The following SPATA13 variants were observed in gnomAD, a reference collection of about 807,000 sequenced individuals.
SPATA13 encodes spermatogenesis-associated protein 13.
In SPATA13, 50 loss-of-function variants were observed where a neutral mutation model predicts 104.0. That is an observed-to-expected ratio of 0.48 (90% CI 0.38 to 0.61). The LOEUF is 0.61. SPATA13 is among the 20% of genes least tolerant of loss of function. The pLI, the probability that SPATA13 is intolerant of heterozygous loss-of-function variation, is 0.00. For synonymous variants in SPATA13, 606 were observed against 667.5 expected (o/e 0.91, Z 1.42); for missense variants, 1,524 against 1,690.6 (o/e 0.90, Z 1.73).
At chr13:24,155,785 A>G (rs965571077), upstream of SPATA13, among the ~76,000 whole-genome samples, 2 of 152,234 alleles carry the variant, frequency 1.3e-5, no homozygotes, top group African/African-American at 4.8e-5. Flanking sequence ...ATCCATCCAC[A>G]GAACATTTCT....
upstream of SPATA13, among the ~76,000 whole-genome samples, chr13:24,157,949 G>A (rs534583480): frequency 6.6e-6 from 1 of 152,290 alleles, no homozygotes; most frequent in African/African-American, 2.4e-5. Context: ...GTACCTCAAG[G>A]ATTGTCTTGA....
At chr13:24,271,654 CACAG>C (rs1248434840) in intron 4 of SPATA13, among the ~76,000 whole-genome samples, 1 of 152,182 alleles carries the variant, frequency 6.6e-6, no homozygotes, top group Admixed American at 6.6e-5. Flanking sequence ...AACAAGACTT[CACAG>C]ACAGGCTTTT....
chr13:24,043,214 C>T (rs1328394756), intron 3 of SPATA13, among the ~76,000 whole-genome samples: 4 of 152,190 alleles, frequency 2.6e-5, no homozygotes, highest in South Asian at 2.1e-4. Context: ...TTAGCTGCCT[C>T]GCCTTGGACA....
In SPATA13 at chr13:24,135,058, A is replaced by T. The variant is rs74956097; in HGVS notation, c.-111-87761A>T. ...AGCCAGAAAGAAAAGACAGGGATAG[A>T]TTCTCCCTCATAGCCTTCAGAAAGA... is the stretch of plus-strand genomic sequence containing the variant. On this transcript the variant is annotated intron_variant, in intron 3 of 14. Coordinates refer to the SPATA13 transcript ENST00000424834. Among the ~76,000 whole-genome samples, 314 of 152,230 alleles carry T rather than the reference A, an allele frequency of 2.1e-3. 1 individual carries two copies. The highest frequency in any genetic ancestry group is 6.9e-3 in the African/African-American group (286 of 41,540).
chr13:24,009,760 T>C (rs1876385605), intron 2 of SPATA13, among the ~76,000 whole-genome samples: 2 of 152,222 alleles, frequency 1.3e-5, no homozygotes. Flanking sequence ...AGATTGTAAA[T>C]GTTTCTTATC....
At chr13:24,250,533 A>G (rs1036203693) in intron 3 of SPATA13, among the ~76,000 whole-genome samples, 6 of 152,216 alleles carry the variant, frequency 3.9e-5, no homozygotes, top group Admixed American at 3.9e-4. Context: ...TATATGAGTA[A>G]TATATATGCC....
intron 3 of SPATA13, among the ~76,000 whole-genome samples, chr13:24,115,446 T>C (rs976816632): frequency 1.3e-5 from 2 of 152,228 alleles, no homozygotes; most frequent in Non-Finnish European, 2.9e-5. Context: ...GGGCATTAGA[T>C]TCTCATAGGA....
At chr13:24,181,808 C>T (rs9551073) in intron 1 of SPATA13, among the ~76,000 whole-genome samples, 32,905 of 144,730 alleles carry the variant, frequency 0.23, 3,935 homozygotes, top group East Asian at 0.4. Flanking sequence ...ATACACTTTA[C>T]ATGAACTATA....
chr13:24,002,961 G>A (rs190973299), intron 2 of SPATA13, among the ~76,000 whole-genome samples: 2,452 of 152,246 alleles, frequency 0.016, 32 homozygotes, highest in Non-Finnish European at 0.024. Context: ...CTGAATGTGG[G>A]GGGTGAACAG....
chr13:24,041,003 T>C (rs1243958437), intron 3 of SPATA13, among the ~76,000 whole-genome samples: 1 of 152,176 alleles, frequency 6.6e-6, no homozygotes, highest in African/African-American at 2.4e-5. Context: ...GTCACATGGT[T>C]ACAGCTGCAT....
chr13:24,062,821 G>A lies in SPATA13; in HGVS notation c.-112+45120G>A, dbSNP rs115600958. ...CTTCTTGAAGATTGAGAGAAGTATCGGGATTTCCAAACTTCAATTTGGAGT... is the reference window on the plus strand; with the variant it reads ...CTTCTTGAAGATTGAGAGAAGTATCAGGATTTCCAAACTTCAATTTGGAGT... On this transcript the variant is annotated intron_variant, in intron 3 of 14. Coordinates refer to the SPATA13 transcript ENST00000424834. Among the ~76,000 whole-genome samples, 1,116 of 152,126 alleles carry A rather than the reference G, an allele frequency of 7.3e-3. 17 individuals carry two copies. Among genetic ancestry groups the A allele is most frequent in the African/African-American group, 0.025 (1,053 of 41,486 alleles).
chr13:24,244,970 G>A (rs982471726), intron 2 of SPATA13, among the ~76,000 whole-genome samples: 1 of 152,244 alleles, frequency 6.6e-6, no homozygotes, highest in Non-Finnish European at 1.5e-5. Context: ...CCATTTTGGA[G>A]CTGATAGAGC....
chr13:24,232,884 T>G (rs1226855898), intron 2 of SPATA13, among the ~76,000 whole-genome samples: 2 of 152,208 alleles, frequency 1.3e-5, no homozygotes, highest in Admixed American at 1.3e-4. Context: ...TCAAAATTCT[T>G]AGTTTTGATG....
chr13:24,024,924 A>G (rs1357102931), intron 3 of SPATA13, among the ~76,000 whole-genome samples: 2 of 149,810 alleles, frequency 1.3e-5, no homozygotes, highest in Admixed American at 1.3e-4. Flanking sequence ...TTTTAAAAAC[A>G]TTCAAATTCA....
In SPATA13 at chr13:24,161,849, A is replaced by G. The variant is rs1190569658; in HGVS notation, c.-112+917A>G. On this transcript the variant is annotated intron_variant, in intron 1 of 12. Transcript: ENST00000382108. This position sits in a 1 kb window ranked among gnomAD's most constrained non-coding sequence, Gnocchi z 4.5. ...ATATTATGCACCTCCCCCTGCCAGC[A>G]TTTTCTCTGTCCCCACCTTCGGTTT... Among the ~76,000 whole-genome samples the G allele has an allele frequency of 6.6e-6, 1 of 151,916 alleles. No homozygotes were observed. Among genetic ancestry groups the G allele is most frequent in the Non-Finnish European group, 1.5e-5 (1 of 67,986 alleles).
Position 24,223,982 on chromosome 13 carries a change from T to G in SPATA13, c.1053T>G (p.Leu351=), listed in dbSNP as rs1220547. Residue 351 remains leucine, a synonymous_variant, in exon 2 of 13, where the codon CTT becomes CTG. Transcript: ENST00000382108. ...CCCCTGGAGAGGCCAGCCTGAGACT[T>G]CAGGCACACAGCCGGCTGCATGACG... The part of the protein sequence containing the change: ...APSPGEASLR[L]QAHSRLHDDY... 1.6e-5 allele frequency: 25 copies of G among 1,548,268 alleles called. No homozygotes were observed. Among genetic ancestry groups the G allele is most frequent in the Admixed American group, 3.9e-5 (2 of 50,876 alleles).
At chr13:24,239,693 TA>T (rs55881452) in intron 2 of SPATA13, among the ~76,000 whole-genome samples, 139 of 46,928 alleles carry the variant, frequency 3.0e-3, no homozygotes, top group African/African-American at 0.01. Flanking sequence ...AGACCATATC[TA>T]AAAAAAAAAA....
At chr13:24,216,939 T>C (rs964481871) in intron 1 of SPATA13, among the ~76,000 whole-genome samples, 3 of 152,128 alleles carry the variant, frequency 2.0e-5, no homozygotes, top group Non-Finnish European at 4.4e-5. Flanking sequence ...CAATCTCAGA[T>C]ACTTGGGAGG....
At chr13:24,195,583 G>T (rs1566144690) in intron 1 of SPATA13, among the ~76,000 whole-genome samples, 1 of 152,172 alleles carries the variant, frequency 6.6e-6, no homozygotes. Flanking sequence ...AGAGTGTTCT[G>T]ATTTTTCCAC....
Sources: allele counts gnomAD v4.1 joint callset (sites outside exome capture counted in the v4.1 genomes callset), GRCh38; gene constraint gnomAD v4.1.1; non-coding constraint Gnocchi (gnomAD v3.1); transcripts MANE v1.5; gene names NCBI Gene and HGNC (gene_info 2026-07-23, HGNC 2026-07-21).